AK8: variants seen among roughly 807,000 people sequenced by gnomAD.
AK8 encodes the protein ATP-AMP transphosphorylase 8.
Under a neutral mutation model 54.6 loss-of-function variants are expected in AK8, and 44 were observed. The observed-to-expected ratio is 0.81, with a 90% CI of 0.63 to 1.04. AK8 has a LOEUF of 1.04. AK8 is among the 50% of genes least tolerant of loss of function. The pLI, the probability that AK8 is intolerant of heterozygous loss-of-function variation, is 0.00. For missense variants in AK8, 555 were observed against 613.6 expected, an observed-to-expected ratio of 0.90 and a Z score of 1.01; for synonymous variants, 239 against 245.6, an observed-to-expected ratio of 0.97 and a Z score of 0.25.
chr9:132,846,772 G>C (rs1407177350), intron 5 of AK8, among the ~76,000 whole-genome samples: 1 of 152,206 alleles, frequency 6.6e-6, no homozygotes, highest in Non-Finnish European at 1.5e-5. Context: ...GGGTCAGAGC[G>C]CTGGCCCTGT....
At chr9:132,771,688 C>T (rs561658338) in intron 11 of AK8, among the ~76,000 whole-genome samples, 5 of 152,258 alleles carry the variant, frequency 3.3e-5, no homozygotes, top group East Asian at 1.9e-4. Context: ...CTTGTTATGG[C>T]GGTGTGGCTC....
intron 11 of AK8, among the ~76,000 whole-genome samples, chr9:132,728,423 T>A (rs1003094479): frequency 2.0e-5 from 3 of 152,222 alleles, no homozygotes; most frequent in African/African-American, 7.2e-5. Flanking sequence ...ATGGACTTGC[T>A]GTGTGAGCTT....
rs550610542 is a variant in AK8, at chr9:132,775,668, C to T, written c.1121+16966G>A. Among the ~76,000 whole-genome samples the T allele has an allele frequency of 3.3e-5, 5 of 152,308 alleles. 1 individual carries two copies. The East Asian group carries it at 9.7e-4, about 29-fold the overall frequency. On this transcript the variant is annotated intron_variant, in intron 11 of 12. Transcript: ENST00000298545. Reference sequence around the variant, plus strand: ...AAGAAAAGACCACACAGAGCCCTTGCTATATGGCATGACCCCATCTCTTCC... The same window carrying T: ...AAGAAAAGACCACACAGAGCCCTTGTTATATGGCATGACCCCATCTCTTCC...
intron 11 of AK8, among the ~76,000 whole-genome samples, chr9:132,751,398 A>AAAC (rs1837918207): frequency 1.4e-5 from 2 of 147,228 alleles, no homozygotes; most frequent in African/African-American, 5.1e-5. Flanking sequence ...AAAAAAAAAC[A>AAAC]AAAAAAACCA....
intron 9 of AK8, among the ~76,000 whole-genome samples, chr9:132,818,016 T>C (rs1841405006): frequency 6.6e-6 from 1 of 152,196 alleles, no homozygotes; most frequent in Admixed American, 6.5e-5. Flanking sequence ...AAATAACCTC[T>C]GAGATTTCAT....
At chr9:132,812,744 G>A (rs1461314612) in intron 10 of AK8, among the ~76,000 whole-genome samples, 1 of 152,182 alleles carries the variant, frequency 6.6e-6, no homozygotes, top group African/African-American at 2.4e-5. Flanking sequence ...TGGCTGGTGG[G>A]GGCAGCGCTG....
intron 11 of AK8, among the ~76,000 whole-genome samples, chr9:132,785,402 G>A (rs578145084): frequency 3.3e-5 from 5 of 152,170 alleles, no homozygotes; most frequent in Admixed American, 2.6e-4. Context: ...ACGCCCAACC[G>A]ACATCTTTCA....
At chr9:132,792,293 A>G (rs1839976351) in intron 11 of AK8, among the ~76,000 whole-genome samples, 1 of 152,256 alleles carries the variant, frequency 6.6e-6, no homozygotes, top group Non-Finnish European at 1.5e-5. Context: ...CCAAATAAAT[A>G]TCAGCTGCAC....
chr9:132,801,575 C>A (rs988984993), intron 10 of AK8, among the ~76,000 whole-genome samples: 2 of 152,118 alleles, frequency 1.3e-5, no homozygotes, highest in African/African-American at 4.8e-5. Context: ...GGGCTTAGAA[C>A]CAGTTTTTTC....
Position 132,758,832 on chromosome 9 carries a change from C to T in AK8, c.1122-31298G>A, listed in dbSNP as rs118167601. 1.7e-4 allele frequency among the ~76,000 whole-genome samples: 26 copies of T among 151,946 alleles called. No homozygotes were observed. The East Asian group carries it at 4.6e-3, about 27-fold the overall frequency. On this transcript the variant is annotated intron_variant, in intron 11 of 12. Transcript: ENST00000298545. ...TTTTCTTTTGTGAAATCCATGTTCACGTCTTAAAAAAATAAAACAAAACAG... is the reference window on the plus strand; with the variant it reads ...TTTTCTTTTGTGAAATCCATGTTCATGTCTTAAAAAAATAAAACAAAACAG...
chr9:132,828,772 A>AT, intron 5 of AK8, 46 bp from the exon 6 acceptor site: 2 of 1,451,684 alleles, frequency 1.4e-6, no homozygotes, highest in South Asian at 2.6e-5. Context: ...TGAGTTTTAG[A>AT]TTTTTTGGAA....
intron 5 of AK8, among the ~76,000 whole-genome samples, chr9:132,844,810 T>G (rs747471102): frequency 6.6e-6 from 1 of 152,230 alleles, no homozygotes; most frequent in Non-Finnish European, 1.5e-5. Context: ...CCCATGGTTT[T>G]ATAGATGGAA....
At chr9:132,795,313 C>T (rs906473232) in intron 10 of AK8, among the ~76,000 whole-genome samples, 1 of 148,634 alleles carries the variant, frequency 6.7e-6, no homozygotes, top group Admixed American at 6.6e-5. Context: ...AGTGTTGGGG[C>T]TCCCCTCCTG....
At chr9:132,738,887 T>C (rs945377496) in intron 11 of AK8, among the ~76,000 whole-genome samples, 6 of 151,580 alleles carry the variant, frequency 4.0e-5, no homozygotes, top group African/African-American at 1.5e-4. Context: ...CCCAAGTAGC[T>C]GGGACCACAG....
chr9:132,782,986 C>T (rs1839542050), intron 11 of AK8, among the ~76,000 whole-genome samples: 1 of 152,180 alleles, frequency 6.6e-6, no homozygotes. Context: ...CAGAATAATG[C>T]CTGCCCCCAA....
chr9:132,839,830 G>T (rs537430499), intron 5 of AK8, among the ~76,000 whole-genome samples: 7 of 141,434 alleles, frequency 4.9e-5, no homozygotes, highest in Middle Eastern at 3.3e-3. Flanking sequence ...CGGGGGGGGG[G>T]GCGCAGGGAC....
chr9:132,838,890 C>T (rs758653879), intron 5 of AK8, among the ~76,000 whole-genome samples: 2 of 152,212 alleles, frequency 1.3e-5, no homozygotes, highest in East Asian at 1.9e-4. Context: ...ACGTGGTGTT[C>T]GGCACATATC....
At chr9:132,835,631 T>C (rs1355391309) in intron 5 of AK8, among the ~76,000 whole-genome samples, 2 of 152,190 alleles carry the variant, frequency 1.3e-5, no homozygotes, top group East Asian at 3.8e-4. Context: ...GGCCTCATTC[T>C]CCTCTGCACA....
intron 11 of AK8, among the ~76,000 whole-genome samples, chr9:132,772,826 T>G (rs1564393842): frequency 1.3e-5 from 2 of 152,078 alleles, no homozygotes; most frequent in Non-Finnish European, 2.9e-5. Context: ...TGATAGCAAA[T>G]CAATGGTACC....
Sources: allele counts gnomAD v4.1 joint callset (sites outside exome capture counted in the v4.1 genomes callset), GRCh38; gene constraint gnomAD v4.1.1; transcripts MANE v1.5; gene names NCBI Gene and HGNC (gene_info 2026-07-23, HGNC 2026-07-21).